DHDH: variants seen among roughly 807,000 people sequenced by gnomAD.
The protein encoded by DHDH is trans-1,2-dihydrobenzene-1,2-diol dehydrogenase.
Under a neutral mutation model 33.2 loss-of-function variants are expected in DHDH, and 29 were observed. The observed-to-expected ratio is 0.87, with a 90% CI of 0.65 to 1.19. DHDH has a LOEUF of 1.19. Among genes scored for constraint, DHDH ranks in the 50% most tolerant of loss-of-function variants. The pLI is 0.00. For synonymous variants in DHDH, 201 were observed against 187.9 expected (o/e 1.07, Z -0.57); for missense variants, 431 against 455.0 (o/e 0.95, Z 0.48).
At chr19:48,944,274 G>T in intron 5 of DHDH, 83 bp from the exon 6 acceptor site, 1 of 1,590,642 alleles carries the variant, frequency 6.3e-7, no homozygotes. Context: ...GGAGGCCCCT[G>T]TGCACCACCT....
Position 48,936,198 on chromosome 19 carries a change from G to A in DHDH, c.366+3G>A, listed in dbSNP as rs770662066. 1 of 1,574,866 alleles carries A rather than the reference G, an allele frequency of 6.3e-7. No individual in the cohort carries two copies. Among genetic ancestry groups the A allele is most frequent in the South Asian group, 1.1e-5 (1 of 87,262 alleles). ...CCCGAGCCCTCTTCCTTATGGAGGT[G>A]AGGGCAGAGGAGCCCTTCCAATATC... On this transcript the variant is annotated splice_donor_region_variant and intron_variant, in intron 3 of 6. Coordinates refer to ENST00000221403, the MANE Select transcript of DHDH (RefSeq NM_014475.4).
chr19:48,939,564 T>A lies in DHDH; in HGVS notation c.482T>A (p.Val161Asp), dbSNP rs753333350. ...RAEFGKNLIH[V>D]PRAVDRAQAG... The stretch of plus-strand genomic sequence containing the variant: ...GAATTTGGGAAGAATCTCATCCACG[T>A]TCCCCGGGCCGTAGACCGGGCCCAG... The change falls in exon 4 of 7, where the codon GTT becomes GAT. Residue 161 changes from valine to aspartate, a missense_variant. Val to Asp is a radical substitution (Grantham distance 152). Transcript: ENST00000221403. 2.5e-6 allele frequency: 4 copies of A among 1,612,824 alleles called. No individual in the cohort carries two copies. The African/African-American group carries it at 4.0e-5, about 16-fold the overall frequency.
chr19:48,935,518 C>A (rs1038638671), intron 2 of DHDH, among the ~76,000 whole-genome samples: 1 of 147,270 alleles, frequency 6.8e-6, no homozygotes, highest in Non-Finnish European at 1.5e-5. Context: ...GAGACTTGGT[C>A]TTAGAAATAA....
At chr19:48,933,087 TA>T (rs925375335), upstream of DHDH, among the ~76,000 whole-genome samples, 4 of 152,294 alleles carry the variant, frequency 2.6e-5, no homozygotes, top group Non-Finnish European at 5.9e-5. Context: ...CACAGGTCTT[TA>T]CCTCCTGACT....
chr19:48,944,765 A>G (rs2037917551), intron 6 of DHDH, 59 bp from the exon 7 acceptor site: 3 of 1,454,718 alleles, frequency 2.1e-6, no homozygotes, highest in Non-Finnish European at 1.9e-6. Context: ...TGGGAATTGT[A>G]GTTCTTTGGG....
In DHDH at chr19:48,936,175, C is replaced by G. The variant is rs750954522; in HGVS notation, c.346C>G (p.Arg116Gly). 8 of 1,599,306 alleles carry G rather than the reference C, an allele frequency of 5.0e-6. No homozygotes were observed. In the Middle Eastern group the frequency reaches 5.0e-4, roughly 100 times the overall value. ...CGAGATGGTCGCGGAGGCCCGATCC[C>G]GAGCCCTCTTCCTTATGGAGGTGAG... Reference protein sequence around the residue: ...VREMVAEARSRALFLMEAIWT... With the variant: ...VREMVAEARSGALFLMEAIWT... Residue 116 changes from arginine (R) to glycine (G), a missense_variant, in exon 3 of 7, where the codon CGA becomes GGA. Arg to Gly is a moderately radical substitution (Grantham distance 125, BLOSUM62 -2). Coordinates refer to ENST00000221403, the MANE Select transcript of DHDH (RefSeq NM_014475.4).
intron 3 of DHDH, among the ~76,000 whole-genome samples, chr19:48,936,552 T>C (rs6509410): frequency 1 from 151,208 of 151,238 alleles, 75,589 homozygotes; most frequent in Middle Eastern, 1. Flanking sequence ...AAAAATTAGC[T>C]GGGCGTGGTG....
At chr19:48,935,468 C>T (rs1311438762) in intron 2 of DHDH, among the ~76,000 whole-genome samples, 1 of 151,952 alleles carries the variant, frequency 6.6e-6, no homozygotes, top group Non-Finnish European at 1.5e-5. Context: ...TTGAAGTGAG[C>T]CAAGATCGCG....
intron 5 of DHDH, 99 bp from the exon 6 acceptor site, chr19:48,944,258 C>T: frequency 6.5e-7 from 1 of 1,539,018 alleles, no homozygotes; most frequent in Non-Finnish European, 8.9e-7. Context: ...CCACCAGGTT[C>T]AAGAGGGAGG....
chr19:48,938,636 A>T (rs576825999), intron 3 of DHDH, among the ~76,000 whole-genome samples: 110 of 148,760 alleles, frequency 7.4e-4, no homozygotes, highest in African/African-American at 2.7e-3. Flanking sequence ...GGCCCACCCT[A>T]ATGACCTCAT....
At chr19:48,933,950 T>A (rs564348050) in intron 1 of DHDH, 139 bp downstream of exon 1, 1 of 719,264 alleles carries the variant, frequency 1.4e-6, no homozygotes, top group African/African-American at 1.7e-5. Flanking sequence ...GCTACCTCCT[T>A]CTCCATCTCT....
chr19:48,936,269 CG>C (rs1381232157), intron 3 of DHDH, 74 bp downstream of exon 3: 2 of 1,472,640 alleles, frequency 1.4e-6, no homozygotes, highest in African/African-American at 2.8e-5. Context: ...AGTGCGCGGA[CG>C]GGGTCAGTGC....
Position 48,934,725 on chromosome 19 carries a change from A to G in DHDH, c.91-275A>G, listed in dbSNP as rs541870182. Among the ~76,000 whole-genome samples, 23 of 126,206 alleles carry G rather than the reference A, an allele frequency of 1.8e-4. No individual in the cohort carries two copies. The East Asian group carries it at 3.4e-3, about 18-fold the overall frequency. The allele number at this position is 126,206 out of a possible 152,430, so 82.8% of individuals were successfully genotyped here. ...TCTACATAGACACAGTAACAATCTG[A>G]TCTCTCTTTCTTTTCCCCACACAAA... On this transcript the variant is annotated intron_variant, in intron 1 of 6. Transcript: ENST00000221403.
chr19:48,937,445 G>A (rs991680503), intron 3 of DHDH, among the ~76,000 whole-genome samples: 2 of 152,146 alleles, frequency 1.3e-5, no homozygotes, highest in African/African-American at 4.8e-5. Context: ...GGAGGCCGAG[G>A]CGGGCAGATC....
chr19:48,941,134 G>C (rs962387820), intron 4 of DHDH, among the ~76,000 whole-genome samples: 2 of 152,154 alleles, frequency 1.3e-5, no homozygotes, highest in Non-Finnish European at 2.9e-5. Context: ...TCAGTTGGCT[G>C]TTCAGCTGGG....
At chr19:48,940,527 C>CAA (rs879675350) in intron 4 of DHDH, among the ~76,000 whole-genome samples, 3 of 130,480 alleles carry the variant, frequency 2.3e-5, no homozygotes, top group South Asian at 2.5e-4. Flanking sequence ...CATTCAGCCG[C>CAA]AAAAAAAAAA....
intron 3 of DHDH, among the ~76,000 whole-genome samples, chr19:48,938,344 G>T (rs1007461500): frequency 1.3e-5 from 2 of 152,040 alleles, no homozygotes; most frequent in African/African-American, 4.8e-5. Context: ...TGATCCGCCC[G>T]CCTTGGCCTC....
rs1270206683 is a variant in DHDH at position 48,936,179 on chromosome 19, C to A, written c.350C>A (p.Ala117Asp). The change falls in exon 3 of 7, where the codon GCC becomes GAC. Residue 117 changes from alanine (A) to aspartate (D), a missense_variant. Transcript: ENST00000221403. The stretch of plus-strand genomic sequence containing the variant: ...ATGGTCGCGGAGGCCCGATCCCGAG[C>A]CCTCTTCCTTATGGAGGTGAGGGCA... ...REMVAEARSRALFLMEAIWTR... is the reference protein window; with the variant it reads ...REMVAEARSRDLFLMEAIWTR... 3 of 1,596,790 alleles carry A rather than the reference C, an allele frequency of 1.9e-6. No homozygotes were observed. Among genetic ancestry groups the A allele is most frequent in the Non-Finnish European group, 8.5e-7 (1 of 1,173,054 alleles).
Position 48,944,398 on chromosome 19 carries a change from G to C in DHDH, c.786G>C (p.Lys262Asn), listed in dbSNP as rs752488824. 2 of 1,614,160 alleles carry C rather than the reference G, an allele frequency of 1.2e-6. No homozygotes were observed. The highest frequency in any genetic ancestry group is 2.2e-5 in the South Asian group (2 of 91,082). The change falls in exon 6 of 7, where the codon AAG becomes AAC. Residue 262 changes from lysine to asparagine, a missense_variant. Coordinates refer to ENST00000221403, the MANE Select transcript of DHDH (RefSeq NM_014475.4). Reference protein sequence around the residue: ...PCWCPTELVVKGEHKEFPLPP... With the variant: ...PCWCPTELVVNGEHKEFPLPP... ...GGTGCCCGACCGAGCTGGTGGTGAA[G>C]GGGGAGCATAAGGAGTTCCCGCTGC...
Sources: gnomAD v4.1 joint callset for allele counts (sites outside exome capture counted in the v4.1 genomes callset) on GRCh38, gnomAD v4.1.1 for gene constraint, MANE v1.5 for transcripts, NCBI Gene and HGNC (gene_info 2026-07-23, HGNC 2026-07-21) for gene names.